The following PRH1 variants were observed in gnomAD, a reference collection of about 807,000 sequenced individuals.
PRH1 encodes salivary acidic proline-rich phosphoprotein 1/2.
PRH1 carries 7 observed loss-of-function variants against 7.9 expected under a neutral mutation model. The observed-to-expected ratio is 0.89, with a 90% confidence interval of 0.50 to 1.67. The LOEUF (loss-of-function observed/expected upper bound fraction) is 1.67. Among genes scored for constraint, PRH1 ranks in the 40% most tolerant of loss-of-function variants. The pLI is 0.00. For synonymous variants in PRH1, 45 were observed against 80.8 expected (o/e 0.56, Z 2.38); for missense variants, 109 against 223.6 (o/e 0.49, Z 3.27).
chr12:11,027,452 C>G (rs75784375), intron 1 of PRH1, among the ~76,000 whole-genome samples: 8,297 of 70,550 alleles, frequency 0.12, no homozygotes, highest in Non-Finnish European at 0.15. Context: ...TGTCCCTAGA[C>G]CACACGTTGA....
chr12:10,883,174 G>A (rs1949435892), intron 1 of PRH1, 78 bp from the exon 2 acceptor site: 2 of 1,506,948 alleles, frequency 1.3e-6, no homozygotes, highest in Admixed American at 1.7e-5. Context: ...CGAGGATAAA[G>A]GACCTCTGAT....
At chr12:11,146,405 C>A (rs1390757983) in intron 1 of PRH1, among the ~76,000 whole-genome samples, 1 of 152,106 alleles carries the variant, frequency 6.6e-6, no homozygotes, top group Non-Finnish European at 1.5e-5. Context: ...GTCATCACAA[C>A]AATGAGAATG....
chr12:11,118,981 G>A (rs576476502), downstream of PRH1, among the ~76,000 whole-genome samples: 127 of 113,912 alleles, frequency 1.1e-3, 1 homozygote, highest in Non-Finnish European at 1.8e-3. Context: ...GAGACAGAGC[G>A]AGACTCCATC....
intron 1 of PRH1, among the ~76,000 whole-genome samples, chr12:10,994,958 CTT>C (rs1565531562): frequency 6.6e-6 from 1 of 152,082 alleles, no homozygotes; most frequent in African/African-American, 2.4e-5. Context: ...TTATTTTCCA[CTT>C]TGTCTTTGTG....
chr12:11,152,478 TAGA>T (rs1947130232), intron 1 of PRH1, among the ~76,000 whole-genome samples: 1 of 152,152 alleles, frequency 6.6e-6, no homozygotes, highest in African/African-American at 2.4e-5. Context: ...AATATTTTTA[TAGA>T]AGAAAATTTC....
intron 1 of PRH1, among the ~76,000 whole-genome samples, chr12:11,129,944 A>T (rs1187608668): frequency 6.6e-6 from 1 of 152,226 alleles, no homozygotes; most frequent in African/African-American, 2.4e-5. Context: ...TGAGCCCAGG[A>T]GTTTGAGACC....
At chr12:11,153,282 C>T (rs1388548789) in intron 1 of PRH1, among the ~76,000 whole-genome samples, 4 of 152,154 alleles carry the variant, frequency 2.6e-5, no homozygotes, top group Admixed American at 2.6e-4. Flanking sequence ...ACTAACATAA[C>T]ATTCCTACGA....
chr12:11,156,923 G>C (rs1455156276), intron 1 of PRH1, among the ~76,000 whole-genome samples: 1 of 148,806 alleles, frequency 6.7e-6, no homozygotes, highest in African/African-American at 2.5e-5. Flanking sequence ...TTGGCTCACT[G>C]CAAGCTCTGC....
chr12:11,131,875 T>G (rs1946353597), intron 1 of PRH1, among the ~76,000 whole-genome samples: 1 of 152,234 alleles, frequency 6.6e-6, no homozygotes, highest in African/African-American at 2.4e-5. Flanking sequence ...CTTACCCATT[T>G]TATCCACCCA....
At chr12:11,100,547 T>A (rs1945203484) in intron 1 of PRH1, among the ~76,000 whole-genome samples, 1 of 152,180 alleles carries the variant, frequency 6.6e-6, no homozygotes, top group Non-Finnish European at 1.5e-5. Context: ...CACCATTCTA[T>A]TCCATGATTT....
intron 1 of PRH1, among the ~76,000 whole-genome samples, chr12:11,086,373 A>G: frequency 8.4e-6 from 1 of 118,434 alleles, no homozygotes; most frequent in Non-Finnish European, 2.0e-5. Context: ...TTCTCTGTGT[A>G]TGAATATTCA....
intron 1 of PRH1, among the ~76,000 whole-genome samples, chr12:11,035,730 G>C (rs1456615600): frequency 1.3e-5 from 2 of 152,006 alleles, no homozygotes; most frequent in Non-Finnish European, 2.9e-5. Flanking sequence ...GCTTTTTTTG[G>C]ATAGTATCTT....
chr12:10,931,320 G>A (rs188929126), intron 2 of PRH1, among the ~76,000 whole-genome samples: 5 of 152,268 alleles, frequency 3.3e-5, no homozygotes, highest in Admixed American at 3.3e-4. Flanking sequence ...ATAGGGTTGG[G>A]AATGAGGACA....
At chr12:11,076,400 T>C (rs1409666996) in intron 1 of PRH1, among the ~76,000 whole-genome samples, 1 of 114,802 alleles carries the variant, frequency 8.7e-6, no homozygotes, top group East Asian at 2.1e-4. Flanking sequence ...GATTATCATC[T>C]ATAGTTTCTA....
At chr12:11,108,486 C>T (rs1945495492) in intron 1 of PRH1, among the ~76,000 whole-genome samples, 1 of 152,138 alleles carries the variant, frequency 6.6e-6, no homozygotes, top group Non-Finnish European at 1.5e-5. Flanking sequence ...CTCACTGGGA[C>T]TGGTTAGACA....
chr12:11,007,589 T>C (rs1421950652), intron 1 of PRH1, among the ~76,000 whole-genome samples: 4 of 152,146 alleles, frequency 2.6e-5, no homozygotes. Context: ...TCTTGCAGTG[T>C]CCTCCTGCCA....
chr12:11,069,565 T>C (rs575401956), intron 1 of PRH1, among the ~76,000 whole-genome samples: 56 of 152,334 alleles, frequency 3.7e-4, no homozygotes, highest in African/African-American at 1.3e-3. Flanking sequence ...CTACGTTCAA[T>C]GTGGCTAATA....
At chr12:11,060,873 A>T (rs367971969) in intron 1 of PRH1, among the ~76,000 whole-genome samples, 25 of 152,394 alleles carry the variant, frequency 1.6e-4, no homozygotes, top group Middle Eastern at 3.4e-3. Flanking sequence ...TTAGAATTGA[A>T]TGACCTTACC....
chr12:11,043,704 A>C (rs530175303), intron 1 of PRH1, among the ~76,000 whole-genome samples: 231 of 152,292 alleles, frequency 1.5e-3, no homozygotes, highest in Non-Finnish European at 2.5e-3. Flanking sequence ...GCCACACATA[A>C]AATTAAATAG....
Sources: allele counts gnomAD v4.1 joint callset (sites outside exome capture counted in the v4.1 genomes callset), GRCh38; gene constraint gnomAD v4.1.1; transcripts MANE v1.5; gene names NCBI Gene and HGNC (gene_info 2026-07-23, HGNC 2026-07-21).